The following SKP2 variants were observed in gnomAD, a reference collection of about 807,000 sequenced individuals.
The protein encoded by SKP2 is S-phase kinase-associated protein 2.
In SKP2, 16 loss-of-function variants were observed where a neutral mutation model predicts 51.8. The ratio of observed to expected loss-of-function variants is 0.31; its 90% CI spans 0.21 to 0.47. The LOEUF (loss-of-function observed/expected upper bound fraction) is 0.47, where lower values mean the gene tolerates loss of function less well. Ranked by LOEUF, SKP2 falls within the 20% of genes least tolerant of loss-of-function variation. The pLI, the probability that SKP2 is intolerant of heterozygous loss-of-function variation, is 1.00. For missense variants in SKP2, 377 were observed against 505.3 expected (o/e 0.75, Z 2.43); for synonymous variants, 176 against 198.6 (o/e 0.89, Z 0.96).
intron 5 of SKP2, among the ~76,000 whole-genome samples, chr5:36,168,789 G>A (rs954182261): frequency 6.6e-6 from 1 of 152,184 alleles, no homozygotes; most frequent in African/African-American, 2.4e-5. Flanking sequence ...AGGAAACATT[G>A]AGCAAGACAT....
intron 7 of SKP2, among the ~76,000 whole-genome samples, chr5:36,175,164 C>A (rs1258843564): frequency 2.0e-5 from 3 of 152,046 alleles, no homozygotes; most frequent in Non-Finnish European, 4.4e-5. Flanking sequence ...ATTTTAAAAA[C>A]CAACATCATG....
intron 2 of SKP2, among the ~76,000 whole-genome samples, chr5:36,161,991 A>G (rs560107978): frequency 9.8e-5 from 15 of 152,304 alleles, no homozygotes; most frequent in African/African-American, 1.7e-4. Context: ...GGATTATTCT[A>G]TGTATTCATA....
At chr5:36,190,899 A>C (rs922017505) in intron 6 of SKP2, among the ~76,000 whole-genome samples, 3 of 152,176 alleles carry the variant, frequency 2.0e-5, no homozygotes, top group Non-Finnish European at 4.4e-5. Flanking sequence ...GAAGCATTGT[A>C]TATCAAGATG....
intron 6 of SKP2, among the ~76,000 whole-genome samples, chr5:36,189,320 C>G (rs1745984160): frequency 6.6e-6 from 1 of 152,146 alleles, no homozygotes; most frequent in African/African-American, 2.4e-5. Context: ...GAATTTTCAG[C>G]TTTTCTGCTC....
intron 6 of SKP2, 68 bp from the exon 7 acceptor site, chr5:36,171,535 G>T: frequency 7.1e-7 from 1 of 1,403,088 alleles, no homozygotes; most frequent in Non-Finnish European, 1.0e-6. Flanking sequence ...TTCTTTGTTT[G>T]CAGTTTGAGG....
chr5:36,153,025 A>T lies in SKP2; in HGVS notation c.263A>T (p.Asn88Ile). The change falls in exon 2 of 10, where the codon AAT (asparagine) becomes ATT (isoleucine). Residue 88 changes from asparagine (N) to isoleucine (I), a missense_variant. Coordinates refer to ENST00000274255, the MANE Select transcript of SKP2 (RefSeq NM_005983.4). ...DFVIVRRPKL[N>I]RENFPGVSWD... ...GTGATTGTCCGCAGGCCTAAGCTAA[A>T]TCGAGAGAACTTTCCAGGTAAGGAC... 6.2e-7 allele frequency: 1 copy of T among 1,614,000 alleles called. No homozygotes were observed. Among genetic ancestry groups the T allele is most frequent in the Non-Finnish European group, 8.5e-7 (1 of 1,179,906 alleles).
At chr5:36,174,365 G>A (rs1745565570) in intron 7 of SKP2, among the ~76,000 whole-genome samples, 1 of 152,104 alleles carries the variant, frequency 6.6e-6, no homozygotes, top group Non-Finnish European at 1.5e-5. Flanking sequence ...TTAAGTGTGG[G>A]CCAGAGGAAA....
At chr5:36,168,784 A>G (rs760938733) in intron 5 of SKP2, among the ~76,000 whole-genome samples, 8 of 152,214 alleles carry the variant, frequency 5.3e-5, no homozygotes, top group Non-Finnish European at 1.0e-4. Flanking sequence ...GCAAGAGGAA[A>G]CATTGAGCAA....
At chr5:36,177,769 G>A (rs1745681060) in intron 9 of SKP2, among the ~76,000 whole-genome samples, 2 of 151,976 alleles carry the variant, frequency 1.3e-5, no homozygotes, top group Admixed American at 6.6e-5. Flanking sequence ...ATATAAGCCT[G>A]TAGATGGTAT....
chr5:36,169,926 A>G (rs1365104783), intron 5 of SKP2, among the ~76,000 whole-genome samples: 1 of 152,170 alleles, frequency 6.6e-6, no homozygotes, highest in African/African-American at 2.4e-5. Context: ...GATGTATTAG[A>G]GAAGATGGCA....
At chr5:36,164,313 T>C (rs1024930290) in intron 3 of SKP2, among the ~76,000 whole-genome samples, 4 of 152,156 alleles carry the variant, frequency 2.6e-5, no homozygotes, top group African/African-American at 7.2e-5. Context: ...CTCACAGACA[T>C]GTTCCACACA....
chr5:36,184,867 A>C (rs1480847451), downstream of SKP2, among the ~76,000 whole-genome samples: 2 of 152,238 alleles, frequency 1.3e-5, no homozygotes, highest in East Asian at 3.8e-4. Flanking sequence ...GTACCAGTTT[A>C]CAGTCCCACC....
chr5:36,189,202 T>C (rs1284377285), downstream of SKP2, among the ~76,000 whole-genome samples: 1 of 152,232 alleles, frequency 6.6e-6, no homozygotes, highest in African/African-American at 2.4e-5. Context: ...AGTTTGATCA[T>C]CTGAAGCCTT....
In SKP2 at chr5:36,152,158, C is replaced by T. The variant is rs369575432; in HGVS notation, c.-105C>T. 109 of 1,200,226 alleles carry T rather than the reference C, an allele frequency of 9.1e-5. No homozygotes were observed. The East Asian group carries it at 1.9e-3, about 21-fold the overall frequency. 74.3% of individuals were successfully genotyped at this position (1,200,226 alleles called of 1,614,324 possible). A position where few individuals can be genotyped will look rare whatever the true frequency, so the allele number is the denominator to read the frequency against. On this transcript the variant is annotated 5_prime_UTR_variant, in exon 1 of 10. Transcript: ENST00000274255. ...GCTTAGCGGGTCTGGCTGCTGGGGG[C>T]CCGAGCAGCACGCTCGGAGCCGCCG...
chr5:36,179,081 A>G (rs1203605432), intron 9 of SKP2, among the ~76,000 whole-genome samples: 1 of 152,088 alleles, frequency 6.6e-6, no homozygotes, highest in East Asian at 1.9e-4. Flanking sequence ...TTTAGTTACA[A>G]GTCAGACCAC....
At position 36,152,906 on chromosome 5, in the gene SKP2, T is replaced by C. The variant is rs1266299574; in HGVS notation, c.144T>C (p.Ser48=). The C allele has an allele frequency of 4.3e-6, 7 of 1,613,896 alleles. No individual in the cohort carries two copies. The highest frequency in any genetic ancestry group is 5.9e-6 in the Non-Finnish European group (7 of 1,180,022). ...VSALEKEEPD[S]ENIPQELLSN... ...CCCTGGAGAAAGAGGAGCCCGACAGTGAGAACATCCCCCAGGAACTGCTCT... is the reference window on the plus strand; with the variant it reads ...CCCTGGAGAAAGAGGAGCCCGACAGCGAGAACATCCCCCAGGAACTGCTCT... The change falls in exon 2 of 10, where the codon AGT becomes AGC. Residue 48 remains serine (S), a synonymous_variant. Transcript: ENST00000274255.
At chr5:36,161,207 C>A (rs1480393369) in intron 2 of SKP2, among the ~76,000 whole-genome samples, 2 of 150,980 alleles carry the variant, frequency 1.3e-5, no homozygotes, top group Non-Finnish European at 2.9e-5. Flanking sequence ...CTAGAATAGA[C>A]CTCAGTGTAT....
chr5:36,166,725 C>CTTTTTTTTTTTTT (rs3086385), intron 4 of SKP2, 63 bp downstream of exon 4: 1 of 861,572 alleles, frequency 1.2e-6, no homozygotes, highest in Non-Finnish European at 1.7e-6. Context: ...CAGATCAAAG[C>CTTTTTTTTTTTTT]TTTTTTTTTT....
Position 36,176,958 on chromosome 5 carries a change from T to A in SKP2, c.902-7T>A. ...TAGTGACCATCATGTTTTTTTGCTT[T>A]TCCTAGATCTCTCTACTTTAGTTAG... On this transcript the variant is annotated splice_polypyrimidine_tract_variant and splice_region_variant and intron_variant, in intron 7 of 9. Transcript: ENST00000274255. 1 of 1,579,154 alleles carries A rather than the reference T, an allele frequency of 6.3e-7. No homozygotes were observed. The highest frequency in any genetic ancestry group is 8.6e-7 in the Non-Finnish European group (1 of 1,156,468).
Sources: gnomAD v4.1 joint callset for allele counts (sites outside exome capture counted in the v4.1 genomes callset) on GRCh38, gnomAD v4.1.1 for gene constraint, MANE v1.5 for transcripts, NCBI Gene and HGNC (gene_info 2026-07-23, HGNC 2026-07-21) for gene names.